TET2: variants seen among roughly 807,000 people sequenced by gnomAD.
TET2 encodes methylcytosine dioxygenase TET2.
Under a neutral mutation model 142.9 loss-of-function variants are expected in TET2, and 299 were observed. The observed-to-expected ratio is 2.09, with a 90% CI of 1.90 to 2.30. TET2 has a LOEUF of 2.30. Among genes scored for constraint, TET2 ranks in the 30% most tolerant of loss-of-function variants. The pLI is 0.00. For missense variants in TET2, 2,418 were observed against 2,378.0 expected (o/e 1.02, Z -0.35); for synonymous variants, 819 against 849.0 (o/e 0.96, Z 0.61).
chr4:105,180,358 C>T (rs2110447302), intron 1 of TET2, among the ~76,000 whole-genome samples: 2 of 152,288 alleles, frequency 1.3e-5, no homozygotes, highest in South Asian at 4.1e-4. Context: ...TCCAAAATCT[C>T]AGTCATTAAT....
chr4:105,186,976 T>A (rs550745007), intron 1 of TET2, among the ~76,000 whole-genome samples: 3 of 152,342 alleles, frequency 2.0e-5, no homozygotes, highest in African/African-American at 7.2e-5. Context: ...TAAAGGGGAC[T>A]GTTTTGGGCA....
Position 105,242,841 on chromosome 4 carries a change from C to T in TET2, c.3508C>T (p.Gln1170Ter), listed in dbSNP as rs770554589. 1 of 1,550,788 alleles carries T rather than the reference C, an allele frequency of 6.4e-7. No individual in the cohort carries two copies. Among genetic ancestry groups the T allele is most frequent in the Non-Finnish European group, 8.7e-7 (1 of 1,146,660 alleles). The part of the protein sequence containing the change: ...IREIMEERFG[Q>*]KGKAIRIERV... ...TCTGTGGGTTTCTTTAAGGTTTGGA[C>T]AGAAGGGTAAAGCTATTAGGATTGA... The change falls in exon 5 of 11, where the codon CAG becomes TAG. Residue 1170 changes from glutamine to a stop codon, truncating the protein, a stop_gained. Coordinates refer to ENST00000380013, the MANE Select transcript of TET2 (RefSeq NM_001127208.3). LOFTEE classifies it high-confidence loss of function.
At chr4:105,243,101 A>G (rs1729393885) in intron 5 of TET2, among the ~76,000 whole-genome samples, 174 bp downstream of exon 5, 1 of 152,256 alleles carries the variant, frequency 6.6e-6, no homozygotes, top group Non-Finnish European at 1.5e-5. Context: ...TTCTAAAATC[A>G]ACAAATTGTA....
chr4:105,245,750 A>AT lies in TET2; in HGVS notation c.3803+1974dup, dbSNP rs1434264292. 5.3e-5 allele frequency among the ~76,000 whole-genome samples: 8 copies of AT among 152,330 alleles called. No individual in the cohort carries two copies. In the East Asian group the frequency reaches 5.8e-4, roughly 11 times the overall value. Reference sequence around the variant, plus strand: ...AAAAATTAAGGCAACTTGTGCTCATATTGGTAATAGCATTTCTTTCAAGAA... The same window carrying AT: ...AAAAATTAAGGCAACTTGTGCTCATATTTGGTAATAGCATTTCTTTCAAGAA... On this transcript the variant is annotated intron_variant, in intron 6 of 10. Transcript: ENST00000380013.
chr4:105,211,502 G>A (rs899738241), intron 2 of TET2, among the ~76,000 whole-genome samples: 1 of 152,172 alleles, frequency 6.6e-6, no homozygotes, highest in Non-Finnish European at 1.5e-5. Flanking sequence ...CCAGCATTTA[G>A]GGAATAAGCC....
chr4:105,221,227 A>G (rs561949313), intron 2 of TET2, among the ~76,000 whole-genome samples: 2 of 152,172 alleles, frequency 1.3e-5, no homozygotes, highest in Non-Finnish European at 2.9e-5. Context: ...TCAAAAAACA[A>G]TTCCAGGATT....
rs908366533 is a variant in TET2, at chr4:105,278,925, C to G, written c.*2406C>G. ...GGCAAACACCTACAGGTATGGTGTG[C>G]AACAGATTGTACAATTACATTTTGG... On this transcript the variant is annotated 3_prime_UTR_variant, in exon 11 of 11. Transcript: ENST00000380013. The G allele has an allele frequency of 1.3e-5, 3 of 232,736 alleles. No individual in the cohort carries two copies. The highest frequency in any genetic ancestry group is 2.2e-5 in the African/African-American group (1 of 45,304). The allele number at this position is 232,736 out of a possible 1,614,324, so 14.4% of individuals were successfully genotyped here. A position where few individuals can be genotyped will look rare whatever the true frequency, so the allele number is the denominator to read the frequency against.
Position 105,242,892 on chromosome 4 carries a change from G to A in TET2, c.3559G>A (p.Gly1187Ser), listed in dbSNP as rs548230417. ...AAGAGTCATCTATACTGGTAAAGAA[G>A]GCAAAAGTTCTCAGGGATGTCCTAT... ...IERVIYTGKE[G>S]KSSQGCPIAK... is the part of the protein sequence containing the mutation. The change falls in exon 5 of 11, where the codon GGC becomes AGC. Residue 1187 changes from glycine to serine, a missense_variant. Gly to Ser is a moderately conservative substitution (Grantham distance 56, BLOSUM62 0). Coordinates refer to ENST00000380013, the MANE Select transcript of TET2 (RefSeq NM_001127208.3). 6.4e-7 allele frequency: 1 copy of A among 1,551,504 alleles called. No homozygotes were observed. Among genetic ancestry groups the A allele is most frequent in the Admixed American group, 2.0e-5 (1 of 50,992 alleles).
At chr4:105,176,068 TAG>T (rs1012177283) in intron 1 of TET2, among the ~76,000 whole-genome samples, 7 of 152,084 alleles carry the variant, frequency 4.6e-5, no homozygotes, top group African/African-American at 1.7e-4. Flanking sequence ...TAAAGTTCTT[TAG>T]AGAGAGGTAA....
At chr4:105,163,832 A>T (rs963230987) in intron 1 of TET2, among the ~76,000 whole-genome samples, 5 of 148,632 alleles carry the variant, frequency 3.4e-5, no homozygotes, top group African/African-American at 1.2e-4. Flanking sequence ...AGAGAGAGAG[A>T]GAGAGAGAGA....
At chr4:105,162,979 C>T (rs1020567548) in intron 1 of TET2, among the ~76,000 whole-genome samples, 3 of 152,036 alleles carry the variant, frequency 2.0e-5, no homozygotes, top group Non-Finnish European at 2.9e-5. Context: ...TTGAACTAAA[C>T]ACCAGCAGCT....
upstream of TET2, chr4:105,146,238 G>C (rs1723010592): frequency 6.6e-6 from 1 of 152,486 alleles, no homozygotes; most frequent in African/African-American, 2.4e-5. Flanking sequence ...GTGGAGTGCA[G>C]ACCAGCAAAA....
chr4:105,205,843 A>G (rs547460968), intron 2 of TET2, among the ~76,000 whole-genome samples: 1 of 152,206 alleles, frequency 6.6e-6, no homozygotes, highest in Admixed American at 6.5e-5. Flanking sequence ...CATGTTGGTC[A>G]GGCCGGTCTC....
At chr4:105,174,116 T>C (rs1724639379) in intron 1 of TET2, among the ~76,000 whole-genome samples, 1 of 152,158 alleles carries the variant, frequency 6.6e-6, no homozygotes, top group Non-Finnish European at 1.5e-5. Flanking sequence ...ATACTGTTCA[T>C]ATATAAGTAA....
chr4:105,239,074 G>GTTTTTTTTT (rs372909927), intron 3 of TET2: 180 of 211,938 alleles, frequency 8.5e-4, no homozygotes, highest in African/African-American at 4.1e-3. Flanking sequence ...TTTGTTTTTT[G>GTTTTTTTTT]TTTTTTTTTT....
In TET2 at chr4:105,275,805, C is replaced by G. The variant is rs1731189775; in HGVS notation, c.5295C>G (p.Asn1765Lys). Residue 1765 changes from asparagine to lysine, a missense_variant, in exon 11 of 11, where the codon AAC becomes AAG. Physicochemically the swap from Asn to Lys is moderately conservative, Grantham distance 94. Coordinates refer to ENST00000380013, the MANE Select transcript of TET2 (RefSeq NM_001127208.3). ...EHHSPSHIIH[N>K]YSAAPGMFNS... ...ATTCACCTTCTCACATAATCCATAA[C>G]TACAGTGCAGCTCCGGGCATGTTCA... 1 of 1,551,738 alleles carries G rather than the reference C, an allele frequency of 6.4e-7. No individual in the cohort carries two copies. The highest frequency in any genetic ancestry group is 2.4e-5 in the East Asian group (1 of 40,918).
chr4:105,248,828 C>A (rs1292173784), intron 6 of TET2, among the ~76,000 whole-genome samples: 10 of 152,054 alleles, frequency 6.6e-5, no homozygotes, highest in African/African-American at 2.4e-4. Flanking sequence ...CTTCTTCCTT[C>A]CTCTAAGTGG....
At position 105,267,702 on chromosome 4, in the gene TET2, A is replaced by G. The variant is rs549145195; in HGVS notation, c.4045-1908A>G. ...TAAACCCAACTGTATCAACAACCAC[A>G]TTAAATGTAAATGGTTTTAACACCC... On this transcript the variant is annotated intron_variant, in intron 8 of 10. Coordinates refer to ENST00000380013, the MANE Select transcript of TET2 (RefSeq NM_001127208.3). Among the ~76,000 whole-genome samples the G allele has an allele frequency of 2.6e-5, 4 of 152,098 alleles. No individual in the cohort carries two copies. The South Asian group carries it at 8.3e-4, about 32-fold the overall frequency.
Position 105,272,873 on chromosome 4 carries a change from C to T in TET2, c.4492C>T (p.Arg1498Cys), listed in dbSNP as rs1298652864. The T allele has an allele frequency of 6.5e-6, 10 of 1,545,546 alleles. No individual in the cohort carries two copies. The highest frequency in any genetic ancestry group is 2.4e-5 in the South Asian group (2 of 82,908). Residue 1498 changes from arginine to cysteine, a missense_variant, in exon 10 of 11, where the codon CGT becomes TGT. Transcript: ENST00000380013. ...TGAAAAGGAAAAGTCAGCCCCATCA[C>T]GTACAAAACAAACTGAAAACGCAAG... ...KNEKEKSAPS[R>C]TKQTENASQA... is the part of the protein sequence containing the mutation.
Sources: allele counts gnomAD v4.1 joint callset (sites outside exome capture counted in the v4.1 genomes callset), GRCh38; gene constraint gnomAD v4.1.1; transcripts MANE v1.5; gene names NCBI Gene and HGNC (gene_info 2026-07-23, HGNC 2026-07-21).